TSC22D1: variants seen among roughly 807,000 people sequenced by gnomAD.
The protein encoded by TSC22D1 is TSC22 domain family protein 1.
TSC22D1 carries 9 observed loss-of-function variants against 74.2 expected under a neutral mutation model. That is an observed-to-expected ratio of 0.12 (90% CI 0.07 to 0.21). TSC22D1 has a LOEUF of 0.21. Among genes scored for constraint, TSC22D1 ranks in the 10% least tolerant of loss-of-function variants. TSC22D1 has a pLI of 1.00. For synonymous variants in TSC22D1, 586 were observed against 492.5 expected, an observed-to-expected ratio of 1.19 and a Z score of -2.51; for missense variants, 1,427 against 1,304.7, an observed-to-expected ratio of 1.09 and a Z score of -1.44.
At chr13:44,501,134 T>G (rs972859854) in intron 1 of TSC22D1, among the ~76,000 whole-genome samples, 4 of 152,188 alleles carry the variant, frequency 2.6e-5, no homozygotes, top group Non-Finnish European at 4.4e-5. Flanking sequence ...GATTTGGGAC[T>G]AGAAACTGCG....
At chr13:44,549,875 C>G (rs1882112953) in intron 1 of TSC22D1, among the ~76,000 whole-genome samples, 1 of 151,516 alleles carries the variant, frequency 6.6e-6, no homozygotes, top group African/African-American at 2.4e-5. Flanking sequence ...TAGTTGATTT[C>G]TATACAGTAA....
At chr13:44,539,502 C>T (rs941083303) in intron 1 of TSC22D1, 1 of 985,230 alleles carries the variant, frequency 1.0e-6, no homozygotes, top group Admixed American at 6.2e-5. Context: ...GTAGATATTC[C>T]CGTTTTAAAA....
intron 1 of TSC22D1, among the ~76,000 whole-genome samples, chr13:44,480,802 C>T (rs749512429): frequency 1.2e-4 from 18 of 152,274 alleles, no homozygotes; most frequent in African/African-American, 4.1e-4. Context: ...ACTCCTTTTA[C>T]ATAAATGTTT....
At chr13:44,463,254 A>G (rs1877099332) in intron 1 of TSC22D1, among the ~76,000 whole-genome samples, 1 of 152,190 alleles carries the variant, frequency 6.6e-6, no homozygotes, top group East Asian at 1.9e-4. Context: ...GGTATTTCCT[A>G]AAATTATGAA....
rs755099957 is a variant in TSC22D1 at position 44,574,334 on chromosome 13, G to A, written c.1741C>T (p.Pro581Ser). ...MSAATGIQPS[P>S]VNVVGVTSAL... ...GAAGTTACACCAACCACATTTACAG[G>A]CGATGGCTGGATACCAGTTGCAGCA... Residue 581 changes from proline (P) to serine (S), a missense_variant, in exon 1 of 3, where the codon CCT becomes TCT. By Grantham distance (74) the Pro-to-Ser change is moderately conservative. This residue lies in a region of TSC22D1 where 1,343 missense variants were observed against 1,191.5 expected (regional missense o/e 1.13). Transcript: ENST00000458659. 5.6e-6 allele frequency: 9 copies of A among 1,614,128 alleles called. No individual in the cohort carries two copies. The Admixed American group carries it at 1.5e-4, about 27-fold the overall frequency.
Position 44,436,974 on chromosome 13 carries a change from C to T in TSC22D1, c.2913-879G>A, listed in dbSNP as rs537982609. 21 of 1,004,044 alleles carry T rather than the reference C, an allele frequency of 2.1e-5. No individual in the cohort carries two copies. In the East Asian group the frequency reaches 1.8e-3, roughly 86 times the overall value. The allele number at this position is 1,004,044 out of a possible 1,614,324, so 62.2% of individuals were successfully genotyped here. A position where few individuals can be genotyped will look rare whatever the true frequency, so the allele number is the denominator to read the frequency against. ...AGGTCCTCCCGCTTCCCTGCTTCCC[C>T]GCCTCCCCCCACCCCCACCTCCGCC... On this transcript the variant is annotated intron_variant, in intron 1 of 2. Coordinates refer to ENST00000458659, the MANE Select transcript of TSC22D1 (RefSeq NM_183422.4).
In TSC22D1 at chr13:44,575,610, A is replaced by G; in HGVS notation, c.465T>C (p.Leu155=). ...HTEDLSSSEI[L]DVSLSRATDL... Reference sequence around the variant, plus strand: ...CAGTAGCCCTGGAAAGTGACACATCAAGGATCTCCGAAGAAGAGAGATCTT... The same window carrying G: ...CAGTAGCCCTGGAAAGTGACACATCGAGGATCTCCGAAGAAGAGAGATCTT... Residue 155 remains leucine (L), a synonymous_variant, in exon 1 of 3, where the codon CTT becomes CTC. Coordinates refer to ENST00000458659, the MANE Select transcript of TSC22D1 (RefSeq NM_183422.4). 1 of 1,614,186 alleles carries G rather than the reference A, an allele frequency of 6.2e-7. No homozygotes were observed. Among genetic ancestry groups the G allele is most frequent in the Non-Finnish European group, 8.5e-7 (1 of 1,180,032 alleles).
At chr13:44,530,757 C>T (rs1367993649) in intron 1 of TSC22D1, among the ~76,000 whole-genome samples, 1 of 151,602 alleles carries the variant, frequency 6.6e-6, no homozygotes, top group Non-Finnish European at 1.5e-5. Flanking sequence ...AGATGTTCAA[C>T]ATCATATATC....
chr13:44,525,944 T>C (rs913276785), intron 1 of TSC22D1, among the ~76,000 whole-genome samples: 3 of 151,548 alleles, frequency 2.0e-5, no homozygotes, highest in African/African-American at 7.3e-5. Flanking sequence ...TCTACAAAAA[T>C]AGAAAAATTA....
At chr13:44,448,922 G>C (rs1875903501) in intron 1 of TSC22D1, among the ~76,000 whole-genome samples, 1 of 146,596 alleles carries the variant, frequency 6.8e-6, no homozygotes, top group Non-Finnish European at 1.5e-5. Context: ...TGTGTAAGAT[G>C]TTAGACCTGG....
intron 1 of TSC22D1, among the ~76,000 whole-genome samples, chr13:44,450,975 G>A (rs542751329): frequency 6.6e-6 from 1 of 152,306 alleles, no homozygotes; most frequent in South Asian, 2.1e-4. Context: ...CACTACAGAA[G>A]GTGGCTAGGC....
At chr13:44,529,386 C>G (rs1442593582) in intron 1 of TSC22D1, among the ~76,000 whole-genome samples, 1 of 151,934 alleles carries the variant, frequency 6.6e-6, no homozygotes, top group Non-Finnish European at 1.5e-5. Context: ...TTCATAAAAA[C>G]TCTGGGCAAA....
intron 2 of TSC22D1, 52 bp from the exon 3 acceptor site, chr13:44,434,935 C>CAAA: frequency 4.1e-6 from 6 of 1,475,916 alleles, no homozygotes; most frequent in Non-Finnish European, 5.5e-6. Context: ...TTTCTGGACT[C>CAAA]TTTTGAGTTT....
intron 1 of TSC22D1, chr13:44,436,827 G>A: frequency 7.4e-7 from 1 of 1,354,404 alleles, no homozygotes; most frequent in Non-Finnish European, 9.4e-7. Flanking sequence ...GCGCTTCCCA[G>A]ATCCGCAGCC....
intron 1 of TSC22D1, among the ~76,000 whole-genome samples, chr13:44,444,576 A>G (rs1875486593): frequency 6.6e-6 from 1 of 152,052 alleles, no homozygotes; most frequent in African/African-American, 2.4e-5. Context: ...ATAAAGAATA[A>G]AGGTCATTAT....
chr13:44,549,266 A>G (rs184262544), intron 1 of TSC22D1, among the ~76,000 whole-genome samples: 3 of 152,338 alleles, frequency 2.0e-5, no homozygotes, highest in African/African-American at 7.2e-5. Context: ...CATTTTAGTT[A>G]AAACAGGGCG....
chr13:44,542,813 GA>G (rs1881558732), intron 1 of TSC22D1, among the ~76,000 whole-genome samples: 2 of 152,030 alleles, frequency 1.3e-5, no homozygotes, highest in African/African-American at 4.8e-5. Context: ...GTCATTATTT[GA>G]AAAAGAAAGT....
At chr13:44,465,546 G>A (rs1278177993) in intron 1 of TSC22D1, among the ~76,000 whole-genome samples, 3 of 152,174 alleles carry the variant, frequency 2.0e-5, no homozygotes, top group Admixed American at 2.0e-4. Flanking sequence ...TGATTTCAAT[G>A]TGAAGCCAGG....
chr13:44,537,723 A>T, intron 1 of TSC22D1: 10 of 984,672 alleles, frequency 1.0e-5, no homozygotes, highest in Non-Finnish European at 1.1e-5. Flanking sequence ...TTCAGTTCAA[A>T]TTGAACCTTT....
Sources: allele counts gnomAD v4.1 joint callset (sites outside exome capture counted in the v4.1 genomes callset), GRCh38; gene constraint gnomAD v4.1.1; regional missense constraint gnomAD v4.1.1; transcripts MANE v1.5; gene names NCBI Gene and HGNC (gene_info 2026-07-23, HGNC 2026-07-21).